Variants in LTBP1 observed in about 807,000 individuals in gnomAD.
The protein encoded by LTBP1 is latent transforming growth factor beta binding protein 1, also known as latent-transforming growth factor beta-binding protein 1.
LTBP1 carries 129 observed loss-of-function variants against 207.6 expected under a neutral mutation model. That is an observed-to-expected ratio of 0.62 (90% CI 0.54 to 0.72). The LOEUF is 0.72. LTBP1 is among the 30% of genes least tolerant of loss of function. The pLI, the probability that LTBP1 is intolerant of heterozygous loss-of-function variation, is 0.00. For missense variants in LTBP1, 2,281 were observed against 2,217.2 expected (o/e 1.03, Z -0.58); for synonymous variants, 963 against 833.7 (o/e 1.16, Z -2.67).
chr2:33,259,668 T>G (rs987937757), intron 13 of LTBP1, 58 bp downstream of exon 13: 2 of 1,509,512 alleles, frequency 1.3e-6, no homozygotes, highest in Non-Finnish European at 1.8e-6. Flanking sequence ...GATTTTCTAT[T>G]AGAATATGTA....
chr2:33,274,587 C>T (rs910733888), intron 16 of LTBP1, among the ~76,000 whole-genome samples: 1 of 152,210 alleles, frequency 6.6e-6, no homozygotes, highest in Non-Finnish European at 1.5e-5. Flanking sequence ...ATGACCTAAT[C>T]CAACTCCATC....
chr2:33,037,306 A>C (rs1195601511), intron 3 of LTBP1, among the ~76,000 whole-genome samples: 1 of 152,226 alleles, frequency 6.6e-6, no homozygotes, highest in African/African-American at 2.4e-5. Flanking sequence ...CATGCTACTG[A>C]AAGTGCTGCA....
intron 5 of LTBP1, among the ~76,000 whole-genome samples, chr2:33,159,600 T>C (rs2084286624): frequency 6.6e-6 from 1 of 152,242 alleles, no homozygotes; most frequent in Non-Finnish European, 1.5e-5. Flanking sequence ...AAGCTGCTTA[T>C]TTCTCTGCCT....
At chr2:33,274,907 G>T in intron 16 of LTBP1, 58 bp from the exon 17 acceptor site, 1 of 1,560,106 alleles carries the variant, frequency 6.4e-7, no homozygotes. Context: ...TTACAGAACA[G>T]GGAAACTAAG....
chr2:33,085,288 T>C (rs1400590311), intron 3 of LTBP1, among the ~76,000 whole-genome samples: 1 of 152,198 alleles, frequency 6.6e-6, no homozygotes, highest in Non-Finnish European at 1.5e-5. Context: ...CCACCTAGTT[T>C]ATGGCAATTT....
intron 3 of LTBP1, among the ~76,000 whole-genome samples, chr2:33,098,067 T>C (rs193248245): frequency 2.6e-5 from 4 of 152,304 alleles, no homozygotes; most frequent in African/African-American, 9.6e-5. Context: ...CTATTAGGGA[T>C]TCCAGAGTAT....
At chr2:32,966,434 A>G (rs1242727111) in intron 2 of LTBP1, among the ~76,000 whole-genome samples, 1 of 152,132 alleles carries the variant, frequency 6.6e-6, no homozygotes, top group Non-Finnish European at 1.5e-5. Context: ...AAAAGGAGTG[A>G]TGAGAGAGAA....
intron 10 of LTBP1, among the ~76,000 whole-genome samples, chr2:33,246,998 G>A (rs2092536175): frequency 6.6e-6 from 1 of 152,156 alleles, no homozygotes; most frequent in South Asian, 2.1e-4. Context: ...TGCAATCCAA[G>A]TAGGAAGACT....
At chr2:33,079,940 TA>T (rs2078302865) in intron 3 of LTBP1, among the ~76,000 whole-genome samples, 1 of 60,472 alleles carries the variant, frequency 1.7e-5, no homozygotes, top group South Asian at 5.7e-4. Context: ...AAATGTAGAC[TA>T]AAAAACTTTA....
chr2:33,225,047 T>C (rs1049508239), intron 9 of LTBP1, among the ~76,000 whole-genome samples: 1 of 152,226 alleles, frequency 6.6e-6, no homozygotes, highest in Non-Finnish European at 1.5e-5. Context: ...TCTATCAGTC[T>C]AGATTCTGAC....
intron 26 of LTBP1, among the ~76,000 whole-genome samples, chr2:33,350,533 A>G (rs533727372): frequency 9.2e-5 from 14 of 152,326 alleles, no homozygotes; most frequent in South Asian, 6.2e-4. Context: ...TGAACCTTTA[A>G]GGTACTTTGG....
chr2:33,273,278 G>A (rs1474974958), intron 15 of LTBP1, among the ~76,000 whole-genome samples: 2 of 151,972 alleles, frequency 1.3e-5, no homozygotes, highest in Non-Finnish European at 2.9e-5. Context: ...CTTACCTATT[G>A]GTGATTCAGA....
chr2:33,266,783 C>T (rs1196579080), intron 15 of LTBP1, among the ~76,000 whole-genome samples: 1 of 152,220 alleles, frequency 6.6e-6, no homozygotes, highest in East Asian at 1.9e-4. Flanking sequence ...TGAAGCTCCT[C>T]TCCACCTTGC....
intron 11 of LTBP1, among the ~76,000 whole-genome samples, chr2:33,253,736 C>T (rs938076322): frequency 1.3e-5 from 2 of 152,078 alleles, no homozygotes; most frequent in African/African-American, 4.8e-5. Context: ...CATGACTCAC[C>T]TTTGTTCATG....
At chr2:32,980,339 G>A (rs1000281820) in intron 2 of LTBP1, among the ~76,000 whole-genome samples, 8 of 151,952 alleles carry the variant, frequency 5.3e-5, no homozygotes, top group African/African-American at 1.9e-4. Flanking sequence ...TAGATTTGAG[G>A]TAACTATGAG....
intron 2 of LTBP1, among the ~76,000 whole-genome samples, chr2:32,984,424 T>A (rs544637566): frequency 3.1e-4 from 47 of 152,308 alleles, no homozygotes; most frequent in Admixed American, 2.6e-4. Flanking sequence ...CTGATGGTTT[T>A]TCAAAAATAG....
chr2:32,992,531 A>G (rs555673189), intron 2 of LTBP1, among the ~76,000 whole-genome samples: 2 of 152,366 alleles, frequency 1.3e-5, no homozygotes, highest in Admixed American at 6.5e-5. Context: ...CCCAGAGCTC[A>G]GACAGGCTTG....
chr2:33,301,444 C>T, intron 21 of LTBP1, 78 bp from the exon 22 acceptor site: 6 of 1,423,614 alleles, frequency 4.2e-6, no homozygotes, highest in African/African-American at 1.4e-5. Context: ...CTAGAATTTA[C>T]ACTGATCCAA....
At chr2:32,978,364 A>G (rs1682159390) in intron 2 of LTBP1, among the ~76,000 whole-genome samples, 1 of 152,038 alleles carries the variant, frequency 6.6e-6, no homozygotes, top group Non-Finnish European at 1.5e-5. Context: ...TATTGTACTC[A>G]GGTATGTTTT....
Sources: gnomAD v4.1 joint callset for allele counts (sites outside exome capture counted in the v4.1 genomes callset) on GRCh38, gnomAD v4.1.1 for gene constraint, MANE v1.5 for transcripts, NCBI Gene and HGNC (gene_info 2026-07-23, HGNC 2026-07-21) for gene names.